The following GALNT17 variants were observed in gnomAD, a reference collection of about 807,000 sequenced individuals.
GALNT17 encodes UDP-GalNAc:polypeptide N-acetylgalactosaminyltransferase-like 3.
In GALNT17, 29 loss-of-function variants were observed where a neutral mutation model predicts 63.7. That is an observed-to-expected ratio of 0.46 (90% confidence interval 0.34 to 0.62). GALNT17 has a LOEUF of 0.62. Ranked by LOEUF, GALNT17 falls within the 20% of genes least tolerant of loss-of-function variation. The pLI, the probability that GALNT17 is intolerant of heterozygous loss-of-function variation, is 0.01. For synonymous variants in GALNT17, 305 were observed against 318.3 expected (o/e 0.96, Z 0.45); for missense variants, 603 against 799.6 (o/e 0.75, Z 2.97).
chr7:71,587,708 T>C (rs1233913326), intron 6 of GALNT17, among the ~76,000 whole-genome samples: 30 of 151,752 alleles, frequency 2.0e-4, no homozygotes, highest in Non-Finnish European at 5.9e-5. Context: ...ACTGAAAACA[T>C]TAAAAAAACA....
intron 9 of GALNT17, among the ~76,000 whole-genome samples, chr7:71,681,732 A>G (rs1360892296): frequency 1.3e-5 from 2 of 152,188 alleles, no homozygotes; most frequent in African/African-American, 4.8e-5. Context: ...ATTAACGGTG[A>G]CATAGTAGAG....
intron 1 of GALNT17, among the ~76,000 whole-genome samples, chr7:71,219,283 G>T (rs1230048829): frequency 1.3e-5 from 2 of 152,224 alleles, no homozygotes; most frequent in East Asian, 3.8e-4. Flanking sequence ...GTCATTAAGA[G>T]TGATGAAGAG....
At chr7:71,461,768 C>T (rs942839400) in intron 5 of GALNT17, among the ~76,000 whole-genome samples, 2 of 152,220 alleles carry the variant, frequency 1.3e-5, no homozygotes, top group Non-Finnish European at 2.9e-5. Context: ...TGACCCCCTC[C>T]TCCTCTGCCT....
intron 1 of GALNT17, among the ~76,000 whole-genome samples, chr7:71,287,611 A>C (rs909339417): frequency 1.3e-5 from 2 of 152,188 alleles, no homozygotes; most frequent in Non-Finnish European, 2.9e-5. Flanking sequence ...GACTCCTCCA[A>C]AAGGTAACTA....
intron 1 of GALNT17, among the ~76,000 whole-genome samples, chr7:71,179,935 G>T (rs1000535087): frequency 6.6e-5 from 10 of 152,114 alleles, no homozygotes; most frequent in African/African-American, 2.4e-4. Flanking sequence ...CTTGCAGGAG[G>T]TTTGGTATAT....
intron 1 of GALNT17, among the ~76,000 whole-genome samples, chr7:71,307,977 G>A (rs568121348): frequency 1.2e-3 from 180 of 151,954 alleles, no homozygotes; most frequent in Non-Finnish European, 6.5e-4. Context: ...ACAGCAGGTG[G>A]GTAGGTGGGA....
chr7:71,488,336 TCTGC>T (rs1787947560), intron 5 of GALNT17, among the ~76,000 whole-genome samples: 1 of 152,072 alleles, frequency 6.6e-6, no homozygotes, highest in Non-Finnish European at 1.5e-5. Context: ...CAGCATCCCA[TCTGC>T]CTGGAGTACA....
At chr7:71,316,798 C>G (rs1791508575) in intron 1 of GALNT17, among the ~76,000 whole-genome samples, 1 of 152,160 alleles carries the variant, frequency 6.6e-6, no homozygotes, top group African/African-American at 2.4e-5. Flanking sequence ...CCTGAAGCTC[C>G]TTAGAGATGG....
chr7:71,587,594 TC>T (rs1325848953), intron 6 of GALNT17, among the ~76,000 whole-genome samples: 15 of 152,164 alleles, frequency 9.9e-5, no homozygotes, highest in African/African-American at 3.6e-4. Context: ...TGTATTTTCT[TC>T]TAGAAAGTTT....
intron 2 of GALNT17, among the ~76,000 whole-genome samples, chr7:71,338,786 A>G (rs753583045): frequency 6.6e-6 from 1 of 152,116 alleles, no homozygotes; most frequent in Admixed American, 6.5e-5. Flanking sequence ...TTCTTTCTCA[A>G]ATGAATTTTG....
At position 71,670,062 on chromosome 7, in the gene GALNT17, G is replaced by C; in HGVS notation, c.1357G>C (p.Val453Leu). The C allele has an allele frequency of 1.2e-6, 2 of 1,614,152 alleles. No individual in the cohort carries two copies. Among genetic ancestry groups the C allele is most frequent in the Non-Finnish European group, 1.7e-6 (2 of 1,180,028 alleles). Residue 453 changes from valine (V) to leucine (L), a missense_variant, in exon 8 of 11, where the codon GTT becomes CTT. By Grantham distance (32) the Val-to-Leu change is conservative. Coordinates refer to ENST00000333538, the MANE Select transcript of GALNT17 (RefSeq NM_022479.3). ...GAATTTCCAGTGGTACCTGGACCAT[G>C]TTTACCCAGAAATGAGAAGATACAA... ...CKNFQWYLDH[V>L]YPEMRRYNNT... is the part of the protein sequence containing the mutation.
chr7:71,212,363 A>G (rs1789396946), intron 1 of GALNT17, among the ~76,000 whole-genome samples: 1 of 152,222 alleles, frequency 6.6e-6, no homozygotes, highest in African/African-American at 2.4e-5. Context: ...TAAAAGATGT[A>G]TGGAAAAACC....
intron 6 of GALNT17, among the ~76,000 whole-genome samples, chr7:71,622,286 T>C (rs1471264180): frequency 6.6e-6 from 1 of 152,234 alleles, no homozygotes; most frequent in Non-Finnish European, 1.5e-5. Flanking sequence ...TCAAATGTTC[T>C]AGGCATTCTT....
chr7:71,206,967 G>T (rs552926148), intron 1 of GALNT17, among the ~76,000 whole-genome samples: 3 of 152,140 alleles, frequency 2.0e-5, no homozygotes, highest in African/African-American at 4.8e-5. Context: ...ATAGCTGGGC[G>T]TGGTGGTAAG....
At chr7:71,443,868 G>A (rs758596712) in intron 5 of GALNT17, among the ~76,000 whole-genome samples, 3 of 152,086 alleles carry the variant, frequency 2.0e-5, no homozygotes, top group African/African-American at 4.8e-5. Context: ...GGGACTACAG[G>A]CGCCTGCCAC....
chr7:71,432,050 C>A (rs1300840416), intron 5 of GALNT17, among the ~76,000 whole-genome samples: 1 of 152,064 alleles, frequency 6.6e-6, no homozygotes, highest in Admixed American at 6.5e-5. Context: ...TGGTGCACAC[C>A]TGTAATTCCA....
intron 5 of GALNT17, among the ~76,000 whole-genome samples, chr7:71,556,781 G>A (rs895832722): frequency 8.6e-5 from 13 of 152,030 alleles, no homozygotes; most frequent in African/African-American, 2.9e-4. Flanking sequence ...GGCCAGGCTG[G>A]TCTTGAACTC....
At chr7:71,684,625 T>A (rs1211916056) in intron 9 of GALNT17, among the ~76,000 whole-genome samples, 1 of 152,212 alleles carries the variant, frequency 6.6e-6, no homozygotes, top group African/African-American at 2.4e-5. Flanking sequence ...TCCTTCCAAC[T>A]ACTCTGTCTG....
chr7:71,377,907 G>A (rs187309375), intron 2 of GALNT17, among the ~76,000 whole-genome samples: 1 of 152,210 alleles, frequency 6.6e-6, no homozygotes, highest in East Asian at 1.9e-4. Context: ...AGTTTCCTGA[G>A]GCCTTCCAAG....
Sources: gnomAD v4.1 joint callset for allele counts (sites outside exome capture counted in the v4.1 genomes callset) on GRCh38, gnomAD v4.1.1 for gene constraint, MANE v1.5 for transcripts, NCBI Gene and HGNC (gene_info 2026-07-23, HGNC 2026-07-21) for gene names.